HCN1: variants seen among roughly 807,000 people sequenced by gnomAD.
The protein encoded by HCN1 is potassium/sodium hyperpolarization-activated cyclic nucleotide-gated channel 1.
Under a neutral mutation model 78.9 loss-of-function variants are expected in HCN1, and 13 were observed. The ratio of observed to expected loss-of-function variants is 0.16; its 90% CI spans 0.11 to 0.26. The LOEUF is 0.26. HCN1 is among the 10% of genes least tolerant of loss of function. HCN1 has a pLI of 1.00. For synonymous variants in HCN1, 552 were observed against 455.5 expected, an observed-to-expected ratio of 1.21 and a Z score of -2.70; for missense variants, 810 against 1,154.3, an observed-to-expected ratio of 0.70 and a Z score of 4.32.
intron 2 of HCN1, among the ~76,000 whole-genome samples, chr5:45,506,579 AAC>A: frequency 6.6e-6 from 1 of 152,238 alleles, no homozygotes; most frequent in South Asian, 2.1e-4. Context: ...AAAAATGAAA[AAC>A]ACAAATGCAA....
At chr5:45,658,617 C>G (rs1011705864) in intron 1 of HCN1, among the ~76,000 whole-genome samples, 37 of 151,762 alleles carry the variant, frequency 2.4e-4, no homozygotes, top group African/African-American at 9.0e-4. Flanking sequence ...CGAGCCGAAG[C>G]AGGGCGAGGC....
At chr5:45,599,068 A>G (rs1020025228) in intron 2 of HCN1, among the ~76,000 whole-genome samples, 6 of 152,208 alleles carry the variant, frequency 3.9e-5, no homozygotes, top group African/African-American at 7.2e-5. Context: ...TATTGGGTAC[A>G]TACCCAAAGG....
intron 3 of HCN1, among the ~76,000 whole-genome samples, chr5:45,398,065 T>C (rs1579868003): frequency 1.3e-5 from 2 of 151,934 alleles, no homozygotes; most frequent in South Asian, 4.2e-4. Context: ...TTATAGGCTG[T>C]GAGATTAGGG....
chr5:45,503,428 G>A (rs1301131998), intron 2 of HCN1, among the ~76,000 whole-genome samples: 1 of 152,082 alleles, frequency 6.6e-6, no homozygotes, highest in East Asian at 1.9e-4. Flanking sequence ...GAGAGACAGA[G>A]ATTGCTTTTA....
chr5:45,547,445 C>T (rs16902164), intron 2 of HCN1, among the ~76,000 whole-genome samples: 9,900 of 151,822 alleles, frequency 0.065, 406 homozygotes, highest in East Asian at 0.15. Flanking sequence ...TTACTACTAG[C>T]GGAGTATGCG....
chr5:45,608,774 G>C (rs908543260), intron 2 of HCN1, among the ~76,000 whole-genome samples: 1 of 151,728 alleles, frequency 6.6e-6, no homozygotes, highest in Admixed American at 6.6e-5. Context: ...TTAATAAACT[G>C]ACTACTATCA....
At chr5:45,404,498 AT>A (rs34176530) in intron 3 of HCN1, among the ~76,000 whole-genome samples, 73,816 of 146,232 alleles carry the variant, frequency 0.5, 19,728 homozygotes, top group African/African-American at 0.7. Context: ...ACTGAAAATA[AT>A]TTTTTTTTTT....
At chr5:45,417,296 TC>T (rs1740137202) in intron 3 of HCN1, among the ~76,000 whole-genome samples, 1 of 152,014 alleles carries the variant, frequency 6.6e-6, no homozygotes, top group Non-Finnish European at 1.5e-5. Flanking sequence ...ATGTAATGTT[TC>T]TATAATATTT....
chr5:45,575,485 T>G (rs1003174427), intron 2 of HCN1: 3 of 151,660 alleles, frequency 2.0e-5, no homozygotes, highest in Admixed American at 6.6e-5. Context: ...AAATGACGAG[T>G]TAATGGGTGC....
chr5:45,509,968 T>C (rs1328109380), intron 2 of HCN1, among the ~76,000 whole-genome samples: 1 of 152,120 alleles, frequency 6.6e-6, no homozygotes, highest in Non-Finnish European at 1.5e-5. Flanking sequence ...TCCCCAGATA[T>C]TAGACACTAA....
chr5:45,616,037 T>A (rs1296204692), intron 2 of HCN1, among the ~76,000 whole-genome samples: 1 of 148,626 alleles, frequency 6.7e-6, no homozygotes, highest in African/African-American at 2.5e-5. Context: ...TGAAAATGAC[T>A]AAAAGAGGTA....
At chr5:45,518,200 T>C (rs1742547512) in intron 2 of HCN1, among the ~76,000 whole-genome samples, 1 of 152,128 alleles carries the variant, frequency 6.6e-6, no homozygotes, top group African/African-American at 2.4e-5. Flanking sequence ...CCATAGTCTA[T>C]GATGTACAAC....
chr5:45,416,336 T>C (rs976499257), intron 3 of HCN1, among the ~76,000 whole-genome samples: 3 of 151,968 alleles, frequency 2.0e-5, no homozygotes, highest in African/African-American at 7.2e-5. Context: ...ATTTATGCTT[T>C]CCTGGACTCA....
At chr5:45,375,822 TTTATGATATA>T (rs1747628616) in intron 4 of HCN1, among the ~76,000 whole-genome samples, 1 of 119,766 alleles carries the variant, frequency 8.3e-6, no homozygotes. Flanking sequence ...AATATAATAT[TTTATGATATA>T]TCTTATATAT....
intron 3 of HCN1, among the ~76,000 whole-genome samples, chr5:45,409,206 T>C (rs1356332437): frequency 6.6e-6 from 1 of 152,076 alleles, no homozygotes; most frequent in Non-Finnish European, 1.5e-5. Flanking sequence ...TAATAAGCTT[T>C]CTGTTTTCCA....
chr5:45,682,389 C>T (rs1739721862), intron 1 of HCN1, among the ~76,000 whole-genome samples: 1 of 150,916 alleles, frequency 6.6e-6, no homozygotes, highest in South Asian at 2.1e-4. Context: ...ATGGCTTCAA[C>T]TCTTATTTCC....
chr5:45,555,712 A>G (rs1743454960), intron 2 of HCN1, among the ~76,000 whole-genome samples: 1 of 151,682 alleles, frequency 6.6e-6, no homozygotes, highest in Non-Finnish European at 1.5e-5. Context: ...ATAGAAAAAT[A>G]CAACAGAATA....
At chr5:45,340,345 AT>A (rs1214580231) in intron 5 of HCN1, among the ~76,000 whole-genome samples, 1 of 152,294 alleles carries the variant, frequency 6.6e-6, no homozygotes, top group African/African-American at 2.4e-5. Context: ...ACTAGGGTTC[AT>A]TTTTATTCTC....
chr5:45,636,594 T>C (rs1482757285), intron 2 of HCN1, among the ~76,000 whole-genome samples: 1 of 152,116 alleles, frequency 6.6e-6, no homozygotes, highest in Non-Finnish European at 1.5e-5. Flanking sequence ...GTGCTTGTAA[T>C]TGAAGTGTTT....
Sources: allele counts gnomAD v4.1 joint callset (sites outside exome capture counted in the v4.1 genomes callset), GRCh38; gene constraint gnomAD v4.1.1; transcripts MANE v1.5; gene names NCBI Gene and HGNC (gene_info 2026-07-23, HGNC 2026-07-21).